Variants in LRMDA observed in about 807,000 individuals in gnomAD.
The protein encoded by LRMDA is leucine-rich melanocyte differentiation-associated protein.
A neutral mutation model predicts 29.8 loss-of-function variants in LRMDA; 18 were observed. That is an observed-to-expected ratio of 0.60 (90% CI 0.42 to 0.90). The LOEUF is 0.90. Ranked by LOEUF, LRMDA falls within the 40% of genes least tolerant of loss-of-function variation. The pLI, the probability that LRMDA is intolerant of heterozygous loss-of-function variation, is 0.00. For synonymous variants in LRMDA, 125 were observed against 109.4 expected, an observed-to-expected ratio of 1.14 and a Z score of -0.89; for missense variants, 273 against 273.9, an observed-to-expected ratio of 1.00 and a Z score of 0.02.
chr10:76,002,335 G>A (rs1341904397), intron 2 of LRMDA, among the ~76,000 whole-genome samples: 1 of 152,162 alleles, frequency 6.6e-6, no homozygotes, highest in East Asian at 1.9e-4. Context: ...TGAGGGCTAG[G>A]GATTCAATAT....
intron 2 of LRMDA, among the ~76,000 whole-genome samples, chr10:75,696,481 C>CT (rs1842236391): frequency 6.6e-6 from 1 of 152,196 alleles, no homozygotes; most frequent in South Asian, 2.1e-4. Flanking sequence ...TGGTAAGCAG[C>CT]TTTAATAACT....
intron 6 of LRMDA, among the ~76,000 whole-genome samples, chr10:76,359,781 G>T (rs1388268916): frequency 6.6e-6 from 1 of 152,184 alleles, no homozygotes; most frequent in Non-Finnish European, 1.5e-5. Context: ...TAATATCTTG[G>T]TTAGAATAGC....
intron 2 of LRMDA, among the ~76,000 whole-genome samples, chr10:75,964,241 G>A (rs974596540): frequency 3.9e-5 from 6 of 152,170 alleles, no homozygotes; most frequent in African/African-American, 1.4e-4. Flanking sequence ...CAGAAAATAT[G>A]TTACTGGACT....
At chr10:75,447,763 G>A (rs750478017) in intron 2 of LRMDA, among the ~76,000 whole-genome samples, 3 of 152,102 alleles carry the variant, frequency 2.0e-5, no homozygotes. Context: ...GGGTGTGGTG[G>A]CATGCACCTG....
At chr10:76,083,064 G>A (rs1272810470) in intron 5 of LRMDA, among the ~76,000 whole-genome samples, 1 of 152,196 alleles carries the variant, frequency 6.6e-6, no homozygotes, top group African/African-American at 2.4e-5. Flanking sequence ...ACATGTGCTT[G>A]TTTCCTGTGC....
At chr10:75,969,257 C>G (rs1055210496) in intron 2 of LRMDA, among the ~76,000 whole-genome samples, 2 of 152,190 alleles carry the variant, frequency 1.3e-5, no homozygotes, top group Admixed American at 1.3e-4. Context: ...TTCTTTGAGT[C>G]TAAAGTCTGT....
At chr10:76,102,543 T>C (rs189601417) in intron 5 of LRMDA, among the ~76,000 whole-genome samples, 4 of 152,198 alleles carry the variant, frequency 2.6e-5, no homozygotes, top group Admixed American at 2.0e-4. Flanking sequence ...GCTCCATCCA[T>C]GTTGCTGCAA....
chr10:75,616,841 T>C (rs1841109895), intron 2 of LRMDA, among the ~76,000 whole-genome samples: 2 of 152,204 alleles, frequency 1.3e-5, no homozygotes, highest in Non-Finnish European at 2.9e-5. Flanking sequence ...TTTGAAGGGA[T>C]TTAGAAAGGC....
chr10:76,005,585 C>G (rs933847970), intron 2 of LRMDA, among the ~76,000 whole-genome samples: 1 of 151,996 alleles, frequency 6.6e-6, no homozygotes, highest in Non-Finnish European at 1.5e-5. Flanking sequence ...TGCACTCCAG[C>G]CTGGGTAACA....
chr10:75,579,554 C>T (rs920959908), intron 2 of LRMDA, among the ~76,000 whole-genome samples: 2 of 152,182 alleles, frequency 1.3e-5, no homozygotes, highest in Non-Finnish European at 2.9e-5. Flanking sequence ...AGAGGGAATC[C>T]TCCCTAACTC....
At chr10:75,515,336 G>A (rs1845277679) in intron 2 of LRMDA, among the ~76,000 whole-genome samples, 1 of 152,286 alleles carries the variant, frequency 6.6e-6, no homozygotes, top group African/African-American at 2.4e-5. Flanking sequence ...ATGTGCAAAT[G>A]TCAGGGAATT....
intron 6 of LRMDA, among the ~76,000 whole-genome samples, chr10:76,381,599 A>ATAC (rs1841593374): frequency 6.6e-6 from 1 of 152,142 alleles, no homozygotes; most frequent in Non-Finnish European, 1.5e-5. Flanking sequence ...AAGTAGACAT[A>ATAC]TACCCTCATA....
chr10:75,670,016 T>G (rs1841871945), intron 2 of LRMDA, among the ~76,000 whole-genome samples: 1 of 152,198 alleles, frequency 6.6e-6, no homozygotes, highest in Admixed American at 6.5e-5. Flanking sequence ...ATATAGCAAC[T>G]CTTTATTATA....
intron 2 of LRMDA, among the ~76,000 whole-genome samples, chr10:75,645,459 G>A (rs149032380): frequency 6.6e-6 from 1 of 152,240 alleles, no homozygotes; most frequent in Admixed American, 6.5e-5. Context: ...CAGAGAGGAG[G>A]GTGGGTTGGT....
chr10:76,336,517 G>A (rs938534896), intron 6 of LRMDA, among the ~76,000 whole-genome samples: 2 of 152,184 alleles, frequency 1.3e-5, no homozygotes, highest in Non-Finnish European at 2.9e-5. Context: ...CCTCAGGGAT[G>A]CTAATGCAAA....
intron 2 of LRMDA, among the ~76,000 whole-genome samples, chr10:75,668,866 T>C (rs1443641021): frequency 6.6e-6 from 1 of 152,178 alleles, no homozygotes; most frequent in Non-Finnish European, 1.5e-5. Flanking sequence ...CTTCAGCAAA[T>C]ATGCCTAATG....
chr10:75,964,468 G>A lies in LRMDA; in HGVS notation c.132-71540G>A, dbSNP rs544719492. Among the ~76,000 whole-genome samples, 9 of 152,326 alleles carry A rather than the reference G, an allele frequency of 5.9e-5. No individual in the cohort carries two copies. The East Asian group carries it at 1.5e-3, about 26-fold the overall frequency. Reference sequence around the variant, plus strand: ...ACTGTCTTTATATCAATATGAGAGTGAATTTGAGGCCAGGCTCTGTTGGCA... The same window carrying A: ...ACTGTCTTTATATCAATATGAGAGTAAATTTGAGGCCAGGCTCTGTTGGCA... On this transcript the variant is annotated intron_variant, in intron 2 of 6. Coordinates refer to ENST00000611255, the MANE Select transcript of LRMDA (RefSeq NM_001305581.2).
chr10:76,166,623 T>G (rs888072841), intron 5 of LRMDA, among the ~76,000 whole-genome samples: 3 of 152,224 alleles, frequency 2.0e-5, no homozygotes, highest in Admixed American at 2.0e-4. Flanking sequence ...TCCAGCTTCA[T>G]CCATGTTCCT....
intron 6 of LRMDA, among the ~76,000 whole-genome samples, chr10:76,471,902 A>G (rs918795082): frequency 2.0e-5 from 3 of 151,844 alleles, no homozygotes; most frequent in Non-Finnish European, 3.0e-5. Context: ...ACATGGCTAC[A>G]TAGCCACAGA....
Sources: allele counts gnomAD v4.1 joint callset (sites outside exome capture counted in the v4.1 genomes callset), GRCh38; gene constraint gnomAD v4.1.1; transcripts MANE v1.5; gene names NCBI Gene and HGNC (gene_info 2026-07-23, HGNC 2026-07-21).